The following LRRC24 variants were observed in gnomAD, a reference collection of about 807,000 sequenced individuals.
LRRC24 encodes the protein leucine-rich repeat-containing protein 24.
In LRRC24, 19 loss-of-function variants were observed where a neutral mutation model predicts 15.3. That is an observed-to-expected ratio of 1.25 (90% CI 0.87 to 1.83). The LOEUF (loss-of-function observed/expected upper bound fraction) is 1.83, where lower values mean the gene tolerates loss of function less well. LRRC24 is among the 40% of genes most tolerant of loss of function. The pLI is 0.00. For synonymous variants in LRRC24, 469 were observed against 359.6 expected, an observed-to-expected ratio of 1.30 and a Z score of -3.44; for missense variants, 914 against 723.9, an observed-to-expected ratio of 1.26 and a Z score of -3.01.
In LRRC24 at chr8:144,522,882, C is replaced by T. The variant is rs1816176784; in HGVS notation, c.1135G>A (p.Ala379Thr). The T allele has an allele frequency of 1.6e-6, 2 of 1,268,568 alleles. No individual in the cohort carries two copies. Among genetic ancestry groups the T allele is most frequent in the Non-Finnish European group, 2.0e-6 (2 of 1,014,012 alleles). The allele number at this position is 1,268,568 out of a possible 1,614,324, so 78.6% of individuals were successfully genotyped here. A position where few individuals can be genotyped will look rare whatever the true frequency, so the allele number is the denominator to read the frequency against. Residue 379 changes from alanine to threonine, a missense_variant, in exon 5 of 5, where the codon GCC (alanine) becomes ACC (threonine). Transcript: ENST00000529415. ...GGCTCGCTGCCGGCGGGGCGGGCGG[C>T]CGGAGGCGGCGGTTGCGCGGGCTGC... ...PQQPAQPPPP[A>T]ARPAGSEPRP...
At position 144,524,817 on chromosome 8, in the gene LRRC24, T is replaced by C. The variant is rs1217781443; in HGVS notation, c.158A>G (p.Gln53Arg). Residue 53 changes from glutamine (Q) to arginine (R), a missense_variant and splice_region_variant, in exon 2 of 5, where the codon CAG becomes CGG. Gln to Arg is a conservative substitution (Grantham distance 43). Transcript: ENST00000529415. ...VVPLGIPPGT[Q>R]TLFLQDNNIA... ...CCCGCAGCTCCACACGGTGCCCACC[T>C]GCGTCCCTGGCGGGATTCCCAGCGG... The C allele has an allele frequency of 2.0e-6, 3 of 1,465,620 alleles. No individual in the cohort carries two copies. The highest frequency in any genetic ancestry group is 2.7e-6 in the Non-Finnish European group (3 of 1,109,110). 90.8% of individuals were successfully genotyped at this position (1,465,620 alleles called of 1,614,324 possible).
intron 1 of LRRC24, chr8:144,525,663 C>T (rs1192303888): frequency 1.3e-5 from 2 of 152,192 alleles, no homozygotes; most frequent in Admixed American, 1.3e-4. Context: ...GCCTTTTTCT[C>T]AGGTAACCTG....
chr8:144,525,104 C>T (rs1003751900), intron 1 of LRRC24, 71 bp from the exon 2 acceptor site: 24 of 1,031,154 alleles, frequency 2.3e-5, no homozygotes, highest in Middle Eastern at 3.3e-4. Context: ...AGGCCTGCAC[C>T]TGCGTCTAAC....
In LRRC24 at chr8:144,522,641, A is replaced by G. The variant is rs1182166378; in HGVS notation, c.1376T>C (p.Leu459Pro). ...YLDGPCTFAQ[L>P]EELRDERGHE... ...GCCGCGCTCGTCGCGGAGCTCCTCT[A>G]GCTGTGCGAACGTACAGGGGCCGTC... is the stretch of plus-strand genomic sequence containing the variant. The change falls in exon 5 of 5, where the codon CTA becomes CCA. Residue 459 changes from leucine (L) to proline (P), a missense_variant. Transcript: ENST00000529415. 1 of 1,584,696 alleles carries G rather than the reference A, an allele frequency of 6.3e-7. No individual in the cohort carries two copies. Among genetic ancestry groups the G allele is most frequent in the East Asian group, 2.4e-5 (1 of 41,824 alleles).
rs1586857006 is a variant in LRRC24, at chr8:144,524,803, A to G, written c.159+13T>C. The stretch of plus-strand genomic sequence containing the variant: ...GGGCACCCCGTCCTCCCGCAGCTCC[A>G]CACGGTGCCCACCTGCGTCCCTGGC... On this transcript the variant is annotated intron_variant, in intron 2 of 4. Coordinates refer to ENST00000529415, the MANE Select transcript of LRRC24 (RefSeq NM_001024678.4). 3.4e-6 allele frequency: 5 copies of G among 1,450,878 alleles called. No individual in the cohort carries two copies. The highest frequency in any genetic ancestry group is 2.6e-5 in the East Asian group (1 of 38,350). The allele number at this position is 1,450,878 out of a possible 1,614,324, so 89.9% of individuals were successfully genotyped here.
rs113823213 is a variant in LRRC24 at position 144,523,468 on chromosome 8, G to A, written c.608-59C>T. On this transcript the variant is annotated intron_variant, in intron 4 of 4. Coordinates refer to ENST00000529415, the MANE Select transcript of LRRC24 (RefSeq NM_001024678.4). The stretch of plus-strand genomic sequence containing the variant: ...GGGTGCTGCTAAAACAGCCTGTGCA[G>A]TTGGGGTTTTGCAGGCCAGGACAGA... 7,720 of 1,491,368 alleles carry A rather than the reference G, an allele frequency of 5.2e-3. 347 individuals are homozygous for A. The African/African-American group carries it at 0.096, about 18-fold the overall frequency. 92.4% of individuals were successfully genotyped at this position (1,491,368 alleles called of 1,614,324 possible).
In LRRC24 at chr8:144,524,921, G is replaced by A. The variant is rs1741231322; in HGVS notation, c.54C>T (p.Leu18=). The A allele has an allele frequency of 1.3e-6, 2 of 1,513,672 alleles. No homozygotes were observed. Among genetic ancestry groups the A allele is most frequent in the African/African-American group, 1.4e-5 (1 of 72,054 alleles). 93.8% of individuals were successfully genotyped at this position (1,513,672 alleles called of 1,614,324 possible). A position where few individuals can be genotyped will look rare whatever the true frequency, so the allele number is the denominator to read the frequency against. The part of the protein sequence containing the change: ...LLPLLLLLLP[L]RAAGCPAACR... The stretch of plus-strand genomic sequence containing the variant: ...AGGCTGCTGGGCAGCCGGCGGCGCG[G>A]AGCGGCAGTAGTAGCAGCAGCAGCG... The change falls in exon 2 of 5, where the codon CTC becomes CTT. Residue 18 remains leucine, a synonymous_variant. Coordinates refer to ENST00000529415, the MANE Select transcript of LRRC24 (RefSeq NM_001024678.4).
At chr8:144,526,544 C>G (rs1564826617) in intron 1 of LRRC24, 1 of 152,266 alleles carries the variant, frequency 6.6e-6, no homozygotes, top group African/African-American at 2.4e-5. Context: ...GCCCAGAAAT[C>G]CTTTTACCAG....
At position 144,522,724 on chromosome 8, in the gene LRRC24, C is replaced by T. The variant is rs761545255; in HGVS notation, c.1293G>A (p.Arg431=). The T allele has an allele frequency of 1.9e-6, 3 of 1,593,754 alleles. No individual in the cohort carries two copies. Among genetic ancestry groups the T allele is most frequent in the Admixed American group, 3.5e-5 (2 of 57,916 alleles). The part of the protein sequence containing the change: ...LVAMICRRRR[R]RKKARGPPGE... ...CCGGAGGCCCCCGCGCCTTTTTTCGCCTGCGGCGCCGGCGACAGATCATGG... is the reference window on the plus strand; with the variant it reads ...CCGGAGGCCCCCGCGCCTTTTTTCGTCTGCGGCGCCGGCGACAGATCATGG... Residue 431 remains arginine (R), a synonymous_variant, in exon 5 of 5, where the codon AGG becomes AGA. Transcript: ENST00000529415.
chr8:144,526,817 CTCAGGGAGGGCGTGG>C (rs1816380134), intron 1 of LRRC24, 128 bp downstream of exon 1: 1 of 152,262 alleles, frequency 6.6e-6, no homozygotes, highest in Admixed American at 6.5e-5. Context: ...TTCGGCCGGG[CTCAGGGAGGGCGTGG>C]CCTCCGCGTT....
At chr8:144,525,491 G>T (rs1259491438) in intron 1 of LRRC24, among the ~76,000 whole-genome samples, 1 of 152,210 alleles carries the variant, frequency 6.6e-6, no homozygotes, top group Non-Finnish European at 1.5e-5. Context: ...TGGCTAGGAG[G>T]GGGAGAGCAG....
Position 144,524,804 on chromosome 8 carries a change from C to T in LRRC24, c.159+12G>A. The stretch of plus-strand genomic sequence containing the variant: ...GGCACCCCGTCCTCCCGCAGCTCCA[C>T]ACGGTGCCCACCTGCGTCCCTGGCG... On this transcript the variant is annotated intron_variant, in intron 2 of 4. Coordinates refer to ENST00000529415, the MANE Select transcript of LRRC24 (RefSeq NM_001024678.4). 1 of 1,451,186 alleles carries T rather than the reference C, an allele frequency of 6.9e-7. No individual in the cohort carries two copies. The highest frequency in any genetic ancestry group is 9.0e-7 in the Non-Finnish European group (1 of 1,105,038). 89.9% of individuals were successfully genotyped at this position (1,451,186 alleles called of 1,614,324 possible). A position where few individuals can be genotyped will look rare whatever the true frequency, so the allele number is the denominator to read the frequency against.
rs767240076 is a variant in LRRC24 at position 144,522,774 on chromosome 8, C to G, written c.1243G>C (p.Ala415Pro). Residue 415 changes from alanine (A) to proline (P), a missense_variant, in exon 5 of 5, where the codon GCG becomes CCG. Transcript: ENST00000529415. ...TAIAAAIALL[A>P]LTALLLVAMI... ...GCGACCAGGAGCAGCGCCGTGAGCG[C>G]CAGCAGCGCGATGGCCGCCGCAATG... 3.8e-6 allele frequency: 6 copies of G among 1,566,724 alleles called. No homozygotes were observed. The highest frequency in any genetic ancestry group is 3.5e-5 in the South Asian group (3 of 86,032).
rs1816137393 is a variant in LRRC24 at position 144,522,460 on chromosome 8, C to G, written c.*15G>C. ...GCCAATCTCCGGCGCCCACGTCATC[C>G]GCGCGCCCGCGGCCCTAGCAGTGGA... is the stretch of plus-strand genomic sequence containing the variant. On this transcript the variant is annotated 3_prime_UTR_variant, in exon 5 of 5. Coordinates refer to ENST00000529415, the MANE Select transcript of LRRC24 (RefSeq NM_001024678.4). 1.4e-6 allele frequency: 2 copies of G among 1,403,446 alleles called. No homozygotes were observed. Among genetic ancestry groups the G allele is most frequent in the Non-Finnish European group, 1.8e-6 (2 of 1,087,192 alleles). 86.9% of individuals were successfully genotyped at this position (1,403,446 alleles called of 1,614,324 possible).
At chr8:144,524,053 T>G in intron 4 of LRRC24, 57 bp downstream of exon 4, 2 of 1,565,090 alleles carry the variant, frequency 1.3e-6, no homozygotes, top group Non-Finnish European at 1.7e-6. Flanking sequence ...CACATGAGCC[T>G]GCTCCCTACT....
In LRRC24 at chr8:144,522,795, C is replaced by CG; in HGVS notation, c.1221_1222insC (p.Ala408ArgfsTer83). ...AGCGCCAGCAGCGCGATGGCCGCCG[C>CG]AATGGCCGTCTGTGTGGCCACGCCC... On this transcript the variant is annotated frameshift_variant, in exon 5 of 5. Transcript: ENST00000529415. LOFTEE classifies it low-confidence loss of function (END_TRUNC). 1 of 1,544,516 alleles carries CG rather than the reference C, an allele frequency of 6.5e-7. No homozygotes were observed. The highest frequency in any genetic ancestry group is 1.2e-5 in the South Asian group (1 of 84,030).
rs896800793 is a variant in LRRC24 at position 144,525,040 on chromosome 8, C to T, written c.-59-7G>A. ...GCCGCAGACGCGTGCCCTCCTGAAA[C>T]ACAGGTTGGCAGGCCAGTCTCGGCA... On this transcript the variant is annotated splice_polypyrimidine_tract_variant and splice_region_variant and intron_variant, in intron 1 of 4. Transcript: ENST00000529415. 4.8e-5 allele frequency: 65 copies of T among 1,363,432 alleles called. No individual in the cohort carries two copies. In the African/African-American group the frequency reaches 5.2e-4, roughly 11 times the overall value. The allele number at this position is 1,363,432 out of a possible 1,614,324, so 84.5% of individuals were successfully genotyped here.
intron 1 of LRRC24, 116 bp from the exon 2 acceptor site, chr8:144,525,149 A>C (rs1298731151): frequency 4.9e-6 from 3 of 612,846 alleles, no homozygotes; most frequent in East Asian, 3.4e-5. Context: ...GAAACTAATA[A>C]AACGTTCTGG....
chr8:144,526,623 G>A (rs1472450829), intron 1 of LRRC24: 1 of 152,406 alleles, frequency 6.6e-6, no homozygotes, highest in East Asian at 1.9e-4. Context: ...GACTGTCACT[G>A]CCTCCTGGGC....
Sources: allele counts gnomAD v4.1 joint callset (sites outside exome capture counted in the v4.1 genomes callset), GRCh38; gene constraint gnomAD v4.1.1; transcripts MANE v1.5; gene names NCBI Gene and HGNC (gene_info 2026-07-23, HGNC 2026-07-21).